RARB: variants seen among roughly 807,000 people sequenced by gnomAD.
RARB encodes the protein HBV-activated protein.
A neutral mutation model predicts 51.9 loss-of-function variants in RARB; 17 were observed. The observed-to-expected ratio is 0.33, with a 90% CI of 0.22 to 0.49. The LOEUF is 0.49. RARB is among the 20% of genes least tolerant of loss of function. The probability of loss-of-function intolerance (pLI) is 0.99; values close to 1 mark genes in which losing one functional copy is unlikely to be tolerated. For synonymous variants in RARB, 215 were observed against 195.4 expected (o/e 1.10, Z -0.84); for missense variants, 369 against 550.8 (o/e 0.67, Z 3.30).
rs1043861907 is a variant in RARB, at chr3:24,952,239, A to T, written c.-380+93487A>T. ...CAAAACAAACAAACAAACAAAAAGT[A>T]ACATTTGTTTTTTTTTAGTGAATTA... On this transcript the variant is annotated intron_variant, in intron 2 of 11. Coordinates refer to the RARB transcript ENST00000383772. Among the ~76,000 whole-genome samples, 15 of 136,884 alleles carry T rather than the reference A, an allele frequency of 1.1e-4. No homozygotes were observed. In the East Asian group the frequency reaches 3.4e-3, roughly 31 times the overall value. 89.8% of individuals were successfully genotyped at this position (136,884 alleles called of 152,430 possible).
At chr3:24,958,865 A>C (rs760786971) in intron 2 of RARB, among the ~76,000 whole-genome samples, 19 of 152,180 alleles carry the variant, frequency 1.2e-4, no homozygotes, top group Non-Finnish European at 8.8e-5. Context: ...TGAAACAGGA[A>C]ATTTTCCCTG....
At chr3:25,171,052 T>G (rs1385110252) in intron 4 of RARB, among the ~76,000 whole-genome samples, 1 of 152,156 alleles carries the variant, frequency 6.6e-6, no homozygotes, top group Non-Finnish European at 1.5e-5. Context: ...AAACACTTAT[T>G]TTCTGGAAAA....
At chr3:25,232,941 T>C (rs1702214007) in intron 5 of RARB, among the ~76,000 whole-genome samples, 1 of 151,922 alleles carries the variant, frequency 6.6e-6, no homozygotes, top group Non-Finnish European at 1.5e-5. Flanking sequence ...ACGCTGGGTA[T>C]GCTAGGTGTA....
At chr3:25,153,512 G>A (rs1238925312) in intron 4 of RARB, among the ~76,000 whole-genome samples, 1 of 152,168 alleles carries the variant, frequency 6.6e-6, no homozygotes, top group African/African-American at 2.4e-5. Flanking sequence ...AATTCAATGA[G>A]GTTAGGGTTG....
In RARB at chr3:24,965,073, C is replaced by T. The variant is rs367786297; in HGVS notation, c.-379-95052C>T. On this transcript the variant is annotated intron_variant, in intron 2 of 11. Transcript: ENST00000383772. ...TTACAGAAACAATAGCCCATGTAAT[C>T]GATTATCCTTTCTACATTGGGTGCT... Among the ~76,000 whole-genome samples the T allele has an allele frequency of 9.5e-4, 144 of 152,216 alleles. 2 individuals carry two copies. The South Asian group carries it at 0.026, about 27-fold the overall frequency.
intron 2 of RARB, among the ~76,000 whole-genome samples, chr3:25,479,136 TTGTC>T (rs3074669): frequency 0.19 from 28,690 of 151,592 alleles, 2,829 homozygotes; most frequent in East Asian, 0.33. Context: ...TTTAAAAATG[TTGTC>T]TGTCTGTCTG....
At chr3:25,468,728 C>T (rs1156426098) in intron 2 of RARB, among the ~76,000 whole-genome samples, 3 of 152,066 alleles carry the variant, frequency 2.0e-5, no homozygotes, top group Non-Finnish European at 2.9e-5. Flanking sequence ...GACATCTCTG[C>T]GACAAAAAAT....
intron 2 of RARB, among the ~76,000 whole-genome samples, chr3:24,906,923 ATAT>A (rs1694880280): frequency 6.6e-6 from 1 of 151,934 alleles, no homozygotes; most frequent in Admixed American, 6.6e-5. Flanking sequence ...GGAGGATATA[ATAT>A]TCAGTATTGT....
At chr3:25,311,836 G>A (rs1704297654) in intron 5 of RARB, among the ~76,000 whole-genome samples, 1 of 152,130 alleles carries the variant, frequency 6.6e-6, no homozygotes, top group Admixed American at 6.5e-5. Flanking sequence ...AAAAACACAA[G>A]GAATGACAGT....
At chr3:25,453,780 T>C (rs1709302421) in intron 1 of RARB, among the ~76,000 whole-genome samples, 1 of 152,174 alleles carries the variant, frequency 6.6e-6, no homozygotes, top group Admixed American at 6.5e-5. Context: ...CACACACTTC[T>C]TTAGGGTCAC....
chr3:25,312,628 C>T (rs1704317346), intron 5 of RARB, among the ~76,000 whole-genome samples: 1 of 152,174 alleles, frequency 6.6e-6, no homozygotes, highest in African/African-American at 2.4e-5. Context: ...AATAATGCAG[C>T]AGCAGATGAG....
rs779763373 is a variant in RARB, at chr3:25,561,578, G to A, written c.449-8180G>A. On this transcript the variant is annotated intron_variant, in intron 3 of 7. Transcript: ENST00000330688. ...AGCTGGCTCCAGATTGATCTAGTGT[G>A]GTCTTGGCTGGAACAACTGGGCTGT... Among the ~76,000 whole-genome samples, 54 of 151,938 alleles carry A rather than the reference G, an allele frequency of 3.6e-4. No homozygotes were observed. The Middle Eastern group carries it at 0.017, about 48-fold the overall frequency.
At chr3:24,869,664 A>ACAGAC (rs1702910994) in intron 2 of RARB, among the ~76,000 whole-genome samples, 1 of 152,144 alleles carries the variant, frequency 6.6e-6, no homozygotes, top group Non-Finnish European at 1.5e-5. Flanking sequence ...ACTTCATCAT[A>ACAGAC]CAGACATAGC....
intron 2 of RARB, among the ~76,000 whole-genome samples, chr3:25,473,629 T>C (rs1459262610): frequency 3.9e-5 from 6 of 152,318 alleles, no homozygotes; most frequent in Admixed American, 2.0e-4. Context: ...AACTTGTCAG[T>C]ACAGTCAAGG....
At chr3:25,428,229 C>G (rs928554107), upstream of RARB, 26 of 1,230,348 alleles carry the variant, frequency 2.1e-5, no homozygotes, top group East Asian at 6.3e-5. Flanking sequence ...AAAGTTCACT[C>G]GCATATATTA....
rs149035302 is a variant in RARB at position 25,374,153 on chromosome 3, G to A, written c.179-87040G>A. On this transcript the variant is annotated intron_variant, in intron 5 of 11. Coordinates refer to the RARB transcript ENST00000383772. ...GAGGGCTGAGTGGACGTAGCTGGAT[G>A]TGGAAGGCAGGGACTGGGGTCAGTC... Among the ~76,000 whole-genome samples, 685 of 152,276 alleles carry A rather than the reference G, an allele frequency of 4.5e-3. 3 individuals carry two copies. Among genetic ancestry groups the A allele is most frequent in the African/African-American group, 0.016 (654 of 41,562 alleles).
intron 2 of RARB, among the ~76,000 whole-genome samples, chr3:24,947,287 C>T (rs1575085484): frequency 6.6e-6 from 1 of 152,216 alleles, no homozygotes; most frequent in South Asian, 2.1e-4. Context: ...ATAATATCTT[C>T]CTTTACGATG....
intron 2 of RARB, among the ~76,000 whole-genome samples, chr3:24,944,335 A>G (rs2125401898): frequency 6.6e-6 from 1 of 152,306 alleles, no homozygotes; most frequent in African/African-American, 2.4e-5. Context: ...GACACATAAT[A>G]AACATTTGCC....
At chr3:25,206,340 C>G (rs544319491) in intron 5 of RARB, among the ~76,000 whole-genome samples, 1 of 152,186 alleles carries the variant, frequency 6.6e-6, no homozygotes, top group Non-Finnish European at 1.5e-5. Context: ...GAGGAAATCT[C>G]GAATGTTTAC....
Sources: allele counts gnomAD v4.1 joint callset (sites outside exome capture counted in the v4.1 genomes callset), GRCh38; gene constraint gnomAD v4.1.1; transcripts MANE v1.5; gene names NCBI Gene and HGNC (gene_info 2026-07-23, HGNC 2026-07-21).